The following METTL15 variants were observed in gnomAD, a reference collection of about 807,000 sequenced individuals.
METTL15 encodes methyltransferase 15, mitochondrial 12S rRNA N4-cytidine.
Under a neutral mutation model 38.3 loss-of-function variants are expected in METTL15, and 34 were observed. The observed-to-expected ratio is 0.89, with a 90% CI of 0.68 to 1.18. The LOEUF is 1.18. METTL15 is among the 50% of genes most tolerant of loss of function. The pLI, the probability that METTL15 is intolerant of heterozygous loss-of-function variation, is 0.00. For synonymous variants in METTL15, 162 were observed against 170.9 expected, an observed-to-expected ratio of 0.95 and a Z score of 0.41; for missense variants, 438 against 498.4, an observed-to-expected ratio of 0.88 and a Z score of 1.15.
At chr11:28,150,331 C>T (rs549035449) in intron 3 of METTL15, among the ~76,000 whole-genome samples, 2 of 151,604 alleles carry the variant, frequency 1.3e-5, no homozygotes, top group African/African-American at 4.8e-5. Flanking sequence ...ATTCTTTCTT[C>T]TTGTTACTGT....
intron 5 of METTL15, 53 bp downstream of exon 5, chr11:28,290,450 A>G (rs1856468549): frequency 6.6e-7 from 1 of 1,526,318 alleles, no homozygotes; most frequent in African/African-American, 1.4e-5. Context: ...TTTGTCAAAA[A>G]CACTCTGAAT....
chr11:28,495,924 A>G (rs1851532149), intron 6 of METTL15, among the ~76,000 whole-genome samples: 1 of 152,146 alleles, frequency 6.6e-6, no homozygotes. Flanking sequence ...TTTCCTTTGG[A>G]CCCTGCTTGT....
At chr11:28,289,672 G>A (rs979066780) in intron 4 of METTL15, among the ~76,000 whole-genome samples, 25 of 152,222 alleles carry the variant, frequency 1.6e-4, no homozygotes, top group African/African-American at 6.0e-4. Flanking sequence ...CAGCAAGAAG[G>A]CATTTATTTT....
chr11:28,377,672 C>T (rs1850332760), intron 5 of METTL15, among the ~76,000 whole-genome samples: 1 of 152,228 alleles, frequency 6.6e-6, no homozygotes, highest in South Asian at 2.1e-4. Flanking sequence ...CAAAGTCATT[C>T]TCTGTCCAGC....
At chr11:28,391,691 C>T (rs148704516) in intron 5 of METTL15, among the ~76,000 whole-genome samples, 2,690 of 152,110 alleles carry the variant, frequency 0.018, 52 homozygotes, top group African/African-American at 0.051. Flanking sequence ...CTTTGGCAAA[C>T]CTGACAAAAA....
intron 5 of METTL15, among the ~76,000 whole-genome samples, chr11:28,389,307 T>C (rs910492986): frequency 6.6e-6 from 1 of 151,218 alleles, no homozygotes; most frequent in Non-Finnish European, 1.5e-5. Flanking sequence ...TGTATACATG[T>C]GCCATGCTGG....
chr11:28,511,170 C>T (rs1851670656), intron 6 of METTL15, among the ~76,000 whole-genome samples: 1 of 152,146 alleles, frequency 6.6e-6, no homozygotes, highest in African/African-American at 2.4e-5. Flanking sequence ...TGACCCTTGA[C>T]CAACACAGTG....
intron 4 of METTL15, among the ~76,000 whole-genome samples, chr11:28,234,648 G>A (rs1195742831): frequency 3.4e-5 from 5 of 148,698 alleles, no homozygotes; most frequent in East Asian, 2.0e-4. Context: ...TTTTTGATGG[G>A]GTTGTTTGTT....
intron 3 of METTL15, among the ~76,000 whole-genome samples, chr11:28,154,850 A>G (rs972630157): frequency 6.6e-6 from 1 of 152,154 alleles, no homozygotes; most frequent in African/African-American, 2.4e-5. Context: ...ACAAAGGAGT[A>G]TCTCTCTAAT....
Position 28,119,494 on chromosome 11 carries a change from GA to G in METTL15, c.270+5896del, listed in dbSNP as rs371462586. 7.9e-4 allele frequency among the ~76,000 whole-genome samples: 120 copies of G among 152,236 alleles called. 2 individuals are homozygous for G. In the East Asian group the frequency reaches 0.021, roughly 27 times the overall value. ...CCAGGTCTGATCAAGTAACTGATCT[GA>G]AAAAACAGATACAAAGGCTGAGAAA... On this transcript the variant is annotated intron_variant, in intron 3 of 6. Transcript: ENST00000407364.
At chr11:28,215,142 G>A (rs1210223658) in intron 4 of METTL15, among the ~76,000 whole-genome samples, 1 of 152,212 alleles carries the variant, frequency 6.6e-6, no homozygotes, top group Admixed American at 6.5e-5. Context: ...AACTGACTGA[G>A]TTGGGGGAAC....
At chr11:28,503,778 A>C (rs1047020525) in intron 6 of METTL15, among the ~76,000 whole-genome samples, 1 of 151,772 alleles carries the variant, frequency 6.6e-6, no homozygotes, top group Non-Finnish European at 1.5e-5. Context: ...GCAACAGAAC[A>C]AGGCTCCATC....
chr11:28,530,640 GCA>G (rs1851839145), downstream of METTL15, among the ~76,000 whole-genome samples: 4 of 151,932 alleles, frequency 2.6e-5, no homozygotes, highest in Admixed American at 2.6e-4. Context: ...AAAGACATGC[GCA>G]CAATTGACTT....
intron 6 of METTL15, among the ~76,000 whole-genome samples, chr11:28,486,260 C>T (rs1302677589): frequency 6.6e-6 from 1 of 152,136 alleles, no homozygotes; most frequent in Admixed American, 6.6e-5. Context: ...TAGGCCACTT[C>T]ACTCATGGGG....
rs749919923 is a variant in METTL15 at position 28,148,236 on chromosome 11, A to G, written c.270+34632A>G. On this transcript the variant is annotated intron_variant, in intron 3 of 6. Coordinates refer to ENST00000407364, the MANE Select transcript of METTL15 (RefSeq NM_001113528.2). ...GATTCTAAACAGAGAATTAATGTTC[A>G]TGTATAAATTGGAAAGGAAAGAAAT... Among the ~76,000 whole-genome samples the G allele has an allele frequency of 3.3e-5, 5 of 152,048 alleles. No individual in the cohort carries two copies. In the South Asian group the frequency reaches 8.3e-4, roughly 25 times the overall value.
chr11:28,202,994 A>G (rs1302309797), intron 3 of METTL15, among the ~76,000 whole-genome samples: 1 of 151,968 alleles, frequency 6.6e-6, no homozygotes. Context: ...AAAATTATCT[A>G]GTCTCTGCAA....
intron 3 of METTL15, among the ~76,000 whole-genome samples, chr11:28,117,131 T>G (rs564981197): frequency 1.3e-5 from 2 of 151,908 alleles, no homozygotes; most frequent in East Asian, 3.9e-4. Context: ...GGGGTAACAA[T>G]TAAAATCCAT....
chr11:28,115,692 A>G (rs1228122038), intron 3 of METTL15, among the ~76,000 whole-genome samples: 2 of 152,180 alleles, frequency 1.3e-5, no homozygotes, highest in Admixed American at 1.3e-4. Flanking sequence ...GTAGGTCATC[A>G]TAAAAGTCTT....
At chr11:28,464,414 C>T (rs1257616168) in intron 6 of METTL15, among the ~76,000 whole-genome samples, 1 of 152,108 alleles carries the variant, frequency 6.6e-6, no homozygotes, top group Non-Finnish European at 1.5e-5. Flanking sequence ...GGAAAGCAGT[C>T]ACAGAGAGTA....
Sources: allele counts gnomAD v4.1 joint callset (sites outside exome capture counted in the v4.1 genomes callset), GRCh38; gene constraint gnomAD v4.1.1; transcripts MANE v1.5; gene names NCBI Gene and HGNC (gene_info 2026-07-23, HGNC 2026-07-21).